CNTN4: variants seen among roughly 807,000 people sequenced by gnomAD.
The protein encoded by CNTN4 is contactin-4.
A neutral mutation model predicts 122.5 loss-of-function variants in CNTN4; 77 were observed. The observed-to-expected ratio is 0.63, with a 90% confidence interval of 0.52 to 0.76. The LOEUF (loss-of-function observed/expected upper bound fraction) is 0.76. CNTN4 is among the 30% of genes least tolerant of loss of function. The probability of loss-of-function intolerance (pLI) is 0.00; values close to 1 mark genes in which losing one functional copy is unlikely to be tolerated. For missense variants in CNTN4, 1,256 were observed against 1,259.1 expected (o/e 1.00, Z 0.04); for synonymous variants, 512 against 447.0 (o/e 1.15, Z -1.83).
At chr3:3,046,413 G>A (rs1353792367) in intron 23 of CNTN4, among the ~76,000 whole-genome samples, 1 of 152,236 alleles carries the variant, frequency 6.6e-6, no homozygotes, top group Non-Finnish European at 1.5e-5. Flanking sequence ...AAGCCCATCA[G>A]ACTAATAGCG....
At chr3:2,506,954 C>G (rs80114286) in intron 3 of CNTN4, among the ~76,000 whole-genome samples, 1 of 152,082 alleles carries the variant, frequency 6.6e-6, no homozygotes, top group South Asian at 2.1e-4. Context: ...GGCTCATGTT[C>G]GGTTTTGCAT....
chr3:2,251,928 A>C (rs1041120461), intron 2 of CNTN4, among the ~76,000 whole-genome samples: 2 of 152,076 alleles, frequency 1.3e-5, no homozygotes, highest in African/African-American at 2.4e-5. Context: ...AATTTATTTT[A>C]TATACTAAAA....
intron 4 of CNTN4, among the ~76,000 whole-genome samples, chr3:2,712,178 A>G (rs962278320): frequency 1.3e-5 from 2 of 152,214 alleles, no homozygotes; most frequent in South Asian, 4.1e-4. Context: ...TGTTATAACT[A>G]TTTTTATAGT....
chr3:2,481,079 CTCTT>C lies in CNTN4; in HGVS notation c.-88-90333_-88-90330del, dbSNP rs1464508330. On this transcript the variant is annotated intron_variant, in intron 3 of 24. Coordinates refer to ENST00000418658, the MANE Select transcript of CNTN4 (RefSeq NM_175607.3). ...TTTCTTTCTCTCTTTCTCTCTTTCT[CTCTT>C]TCTCTCTTTCTTTCTTTCTTTCTCT... Among the ~76,000 whole-genome samples, 14 of 53,516 alleles carry C rather than the reference CTCTT, an allele frequency of 2.6e-4. No individual in the cohort carries two copies. In the East Asian group the frequency reaches 0.011, roughly 42 times the overall value. The allele number at this position is 53,516 out of a possible 152,430, so 35.1% of individuals were successfully genotyped here. A position where few individuals can be genotyped will look rare whatever the true frequency, so the allele number is the denominator to read the frequency against.
At chr3:2,926,950 G>A (rs1377592843) in intron 13 of CNTN4, among the ~76,000 whole-genome samples, 1 of 152,060 alleles carries the variant, frequency 6.6e-6, no homozygotes, top group Non-Finnish European at 1.5e-5. Context: ...TGCTTATTTT[G>A]CAGTCATCAA....
intron 2 of CNTN4, among the ~76,000 whole-genome samples, chr3:2,139,542 T>A (rs979265785): frequency 3.3e-5 from 5 of 152,170 alleles, no homozygotes; most frequent in Non-Finnish European, 7.3e-5. Flanking sequence ...TGAAAAGGAA[T>A]GTAATGCAAT....
In CNTN4 at chr3:3,037,222, G is replaced by T; in HGVS notation, c.1986G>T (p.Val662=). 1 of 1,614,190 alleles carries T rather than the reference G, an allele frequency of 6.2e-7. No individual in the cohort carries two copies. The highest frequency in any genetic ancestry group is 1.1e-5 in the South Asian group (1 of 91,078). Residue 662 remains valine (V), a synonymous_variant, in exon 18 of 25, where the codon GTG becomes GTT. Coordinates refer to ENST00000418658, the MANE Select transcript of CNTN4 (RefSeq NM_175607.3). ...IDGKTFTATV[V]GLNPWVEYEF... is the part of the protein sequence containing the mutation. Reference sequence around the variant, plus strand: ...GGAAGACATTCACAGCGACCGTGGTGGGTTTGAACCCTTGGGTTGAATATG... The same window carrying T: ...GGAAGACATTCACAGCGACCGTGGTTGGTTTGAACCCTTGGGTTGAATATG...
chr3:2,210,618 A>G (rs569476518), intron 2 of CNTN4, among the ~76,000 whole-genome samples: 4 of 152,314 alleles, frequency 2.6e-5, no homozygotes, highest in African/African-American at 9.6e-5. Context: ...AACAGAGGCT[A>G]AGACAAAACT....
At chr3:2,413,177 T>G (rs1269999809) in intron 3 of CNTN4, among the ~76,000 whole-genome samples, 2 of 152,216 alleles carry the variant, frequency 1.3e-5, no homozygotes, top group Non-Finnish European at 2.9e-5. Flanking sequence ...TTCTCACTCA[T>G]TTTGGCTCTT....
chr3:2,555,152 A>G (rs533278737), intron 3 of CNTN4, among the ~76,000 whole-genome samples: 4 of 152,314 alleles, frequency 2.6e-5, no homozygotes, highest in African/African-American at 9.6e-5. Context: ...TGTCATATGC[A>G]TATCTTTATT....
intron 4 of CNTN4, among the ~76,000 whole-genome samples, chr3:2,630,730 GTAC>G (rs767067260): frequency 6.0e-5 from 7 of 117,636 alleles, no homozygotes; most frequent in African/African-American, 1.4e-4. Flanking sequence ...GTGTGTGTGT[GTAC>G]TATATGTTTA....
intron 3 of CNTN4, among the ~76,000 whole-genome samples, chr3:2,394,293 A>T (rs2046556322): frequency 6.6e-6 from 1 of 152,124 alleles, no homozygotes; most frequent in African/African-American, 2.4e-5. Context: ...ATCTGATCAG[A>T]GGGACAGGGC....
intron 4 of CNTN4, among the ~76,000 whole-genome samples, chr3:2,717,170 C>T (rs981346516): frequency 6.6e-6 from 1 of 152,092 alleles, no homozygotes; most frequent in Non-Finnish European, 1.5e-5. Flanking sequence ...CTTTGAAAAG[C>T]CTGGTTTAAA....
At chr3:2,453,603 A>T (rs954254262) in intron 3 of CNTN4, among the ~76,000 whole-genome samples, 1 of 152,160 alleles carries the variant, frequency 6.6e-6, no homozygotes, top group African/African-American at 2.4e-5. Flanking sequence ...ACGGCTTCAA[A>T]ATTTGTTACC....
At chr3:2,757,929 A>G (rs2090411798) in intron 6 of CNTN4, among the ~76,000 whole-genome samples, 1 of 152,210 alleles carries the variant, frequency 6.6e-6, no homozygotes, top group Non-Finnish European at 1.5e-5. Context: ...GTACACACTA[A>G]TTATGATTAG....
intron 4 of CNTN4, among the ~76,000 whole-genome samples, chr3:2,674,914 T>G (rs896662404): frequency 6.6e-6 from 1 of 152,198 alleles, no homozygotes; most frequent in Non-Finnish European, 1.5e-5. Flanking sequence ...TCTAGTAGCC[T>G]CTATTCTACT....
intron 7 of CNTN4, among the ~76,000 whole-genome samples, chr3:2,831,316 A>T (rs2093099944): frequency 6.6e-6 from 1 of 152,240 alleles, no homozygotes; most frequent in African/African-American, 2.4e-5. Flanking sequence ...TTTTCAAATC[A>T]ATCAAACTGA....
chr3:2,728,767 T>C (rs895617090), intron 4 of CNTN4, among the ~76,000 whole-genome samples: 7 of 152,104 alleles, frequency 4.6e-5, no homozygotes, highest in Admixed American at 4.6e-4. Context: ...GCTGGTATTC[T>C]AAGCTTCTAT....
intron 14 of CNTN4, among the ~76,000 whole-genome samples, chr3:3,020,575 G>A (rs1698205083): frequency 6.6e-6 from 1 of 152,078 alleles, no homozygotes; most frequent in Non-Finnish European, 1.5e-5. Context: ...CCCTCTCTGA[G>A]GGCGCCCACC....
Sources: gnomAD v4.1 joint callset for allele counts (sites outside exome capture counted in the v4.1 genomes callset) on GRCh38, gnomAD v4.1.1 for gene constraint, MANE v1.5 for transcripts, NCBI Gene and HGNC (gene_info 2026-07-23, HGNC 2026-07-21) for gene names.